FRMD4B: variants seen among roughly 807,000 people sequenced by gnomAD.
The protein encoded by FRMD4B is FERM domain-containing protein 4B.
FRMD4B carries 74 observed loss-of-function variants against 141.5 expected under a neutral mutation model. That is an observed-to-expected ratio of 0.52 (90% CI 0.43 to 0.63). The LOEUF (loss-of-function observed/expected upper bound fraction) is 0.63, where lower values mean the gene tolerates loss of function less well. Ranked by LOEUF, FRMD4B falls within the 30% of genes least tolerant of loss-of-function variation. The pLI is 0.00. For synonymous variants in FRMD4B, 506 were observed against 467.9 expected (o/e 1.08, Z -1.05); for missense variants, 1,366 against 1,253.4 (o/e 1.09, Z -1.36).
At chr3:69,240,779 T>C (rs565224048) in intron 7 of FRMD4B, among the ~76,000 whole-genome samples, 9 of 152,200 alleles carry the variant, frequency 5.9e-5, no homozygotes, top group Non-Finnish European at 1.3e-4. Flanking sequence ...TCACTTAGTG[T>C]GTTTCCAGAA....
intron 1 of FRMD4B, among the ~76,000 whole-genome samples, chr3:69,491,893 AATT>A (rs1706305627): frequency 1.3e-5 from 2 of 152,154 alleles, no homozygotes; most frequent in Non-Finnish European, 2.9e-5. Context: ...AAGACCACTA[AATT>A]ATTTAGGACC....
chr3:69,421,084 C>T (rs1390939380), intron 2 of FRMD4B, among the ~76,000 whole-genome samples: 1 of 152,206 alleles, frequency 6.6e-6, no homozygotes, highest in Non-Finnish European at 1.5e-5. Context: ...CAGTGTCCAC[C>T]CTACCCATGG....
At chr3:69,176,766 A>G (rs553180071) in intron 21 of FRMD4B, 110 bp from the exon 22 acceptor site, 5 of 687,486 alleles carry the variant, frequency 7.3e-6, no homozygotes, top group Non-Finnish European at 1.2e-5. Context: ...GAGAAATTTA[A>G]GAGGGTTTGA....
At chr3:69,475,705 C>CATG (rs1313456101) in intron 1 of FRMD4B, among the ~76,000 whole-genome samples, 42 of 152,118 alleles carry the variant, frequency 2.8e-4, no homozygotes, top group African/African-American at 9.9e-4. Context: ...GATTTATAAT[C>CATG]CTTTGGGTAT....
rs115271387 is a variant in FRMD4B, at chr3:69,265,432, G to A, written c.502-15333C>T. On this transcript the variant is annotated intron_variant, in intron 5 of 22. Transcript: ENST00000398540. The stretch of plus-strand genomic sequence containing the variant: ...TTTTTAGATGGCTAGATGGCTAGGT[G>A]GCACATTTATTTGTCCTTTTTTTTT... Among the ~76,000 whole-genome samples the A allele has an allele frequency of 7.2e-3, 1,051 of 145,308 alleles. 10 individuals are homozygous for A. Among genetic ancestry groups the A allele is most frequent in the African/African-American group, 0.025 (975 of 39,464 alleles).
At chr3:69,334,215 T>G (rs906253324) in intron 1 of FRMD4B, 1 of 152,228 alleles carries the variant, frequency 6.6e-6, no homozygotes, top group African/African-American at 2.4e-5. Context: ...TTAAGCTTTT[T>G]GAGCCCCAGT....
At position 69,180,936 on chromosome 3, in the gene FRMD4B, A is replaced by C; in HGVS notation, c.2814T>G (p.Pro938=). 1 of 1,611,818 alleles carries C rather than the reference A, an allele frequency of 6.2e-7. No individual in the cohort carries two copies. The change falls in exon 21 of 23, where the codon CCT becomes CCG. Residue 938 remains proline (P), a synonymous_variant. Transcript: ENST00000398540. The part of the protein sequence containing the change: ...RCLGFAGLQV[P]CSPSSRASSY... ...AGGATGCACGACTGCTTGGAGAACA[A>C]GGTACTTGCAGCCCCGCAAACCCCA...
intron 11 of FRMD4B, among the ~76,000 whole-genome samples, chr3:69,202,605 G>A (rs1397343092): frequency 6.6e-6 from 1 of 151,888 alleles, no homozygotes; most frequent in Non-Finnish European, 1.5e-5. Flanking sequence ...ATTTATAATT[G>A]TCTATGTGGC....
chr3:69,216,722 A>C (rs189311863), intron 10 of FRMD4B, among the ~76,000 whole-genome samples: 2 of 152,048 alleles, frequency 1.3e-5, no homozygotes, highest in Admixed American at 1.3e-4. Flanking sequence ...GAGCCACCAC[A>C]CCTGGCAATT....
intron 7 of FRMD4B, among the ~76,000 whole-genome samples, chr3:69,240,055 AACACAC>A (rs375091705): frequency 2.7e-5 from 4 of 148,400 alleles, no homozygotes; most frequent in Admixed American, 6.7e-5. Flanking sequence ...CTCTGTCTCA[AACACAC>A]ACACACACAC....
chr3:69,486,565 T>G (rs1184127053), intron 1 of FRMD4B, among the ~76,000 whole-genome samples: 1 of 152,200 alleles, frequency 6.6e-6, no homozygotes, highest in Admixed American at 6.5e-5. Flanking sequence ...GTGTTGGGAA[T>G]TGAACCTATA....
intron 2 of FRMD4B, among the ~76,000 whole-genome samples, chr3:69,410,273 G>A (rs1040218266): frequency 1.3e-5 from 2 of 152,206 alleles, no homozygotes; most frequent in Admixed American, 1.3e-4. Context: ...TATCAGCTCT[G>A]AAATTCCACT....
intron 1 of FRMD4B, among the ~76,000 whole-genome samples, chr3:69,494,202 A>C (rs1421604221): frequency 6.6e-6 from 1 of 152,180 alleles, no homozygotes; most frequent in Non-Finnish European, 1.5e-5. Context: ...CTTGAATGAA[A>C]TTATTGGTGA....
At chr3:69,533,911 C>A (rs1307852381) in intron 1 of FRMD4B, among the ~76,000 whole-genome samples, 1 of 152,196 alleles carries the variant, frequency 6.6e-6, no homozygotes, top group Non-Finnish European at 1.5e-5. Flanking sequence ...GATTACGCAT[C>A]TGGGAGACCG....
chr3:69,521,279 C>T (rs77046770), intron 1 of FRMD4B, among the ~76,000 whole-genome samples: 2,123 of 152,282 alleles, frequency 0.014, 52 homozygotes, highest in African/African-American at 0.049. Context: ...GTGAGTCTCA[C>T]AACAAAATTA....
chr3:69,431,889 C>T (rs1200532613), intron 2 of FRMD4B, among the ~76,000 whole-genome samples: 1 of 152,198 alleles, frequency 6.6e-6, no homozygotes, highest in Non-Finnish European at 1.5e-5. Flanking sequence ...GCATATTTTA[C>T]ATCAATGTCC....
intron 1 of FRMD4B, among the ~76,000 whole-genome samples, chr3:69,362,496 G>A (rs1703497703): frequency 6.6e-6 from 1 of 152,116 alleles, no homozygotes; most frequent in South Asian, 2.1e-4. Context: ...TGACCAACAT[G>A]GTAACACCCC....
chr3:69,194,934 A>G, intron 16 of FRMD4B, 88 bp downstream of exon 16: 11 of 1,214,266 alleles, frequency 9.1e-6, no homozygotes, highest in Non-Finnish European at 1.3e-5. Flanking sequence ...TACAGCAGAG[A>G]CTCAAAAACC....
chr3:69,334,662 G>C (rs1702484926), intron 1 of FRMD4B, among the ~76,000 whole-genome samples: 1 of 151,980 alleles, frequency 6.6e-6, no homozygotes, highest in Admixed American at 6.6e-5. Context: ...ATGACCCCTG[G>C]GTTTCAGTAG....
Sources: gnomAD v4.1 joint callset for allele counts (sites outside exome capture counted in the v4.1 genomes callset) on GRCh38, gnomAD v4.1.1 for gene constraint, MANE v1.5 for transcripts, NCBI Gene and HGNC (gene_info 2026-07-23, HGNC 2026-07-21) for gene names.